CTIF: variants seen among roughly 807,000 people sequenced by gnomAD.
The protein encoded by CTIF is CBP80/20-dependent translation initiation factor.
CTIF carries 21 observed loss-of-function variants against 66.0 expected under a neutral mutation model. That is an observed-to-expected ratio of 0.32 (90% CI 0.23 to 0.46). CTIF has a LOEUF of 0.46. CTIF is among the 20% of genes least tolerant of loss of function. The pLI is 1.00. For missense variants in CTIF, 739 were observed against 812.7 expected (o/e 0.91, Z 1.10); for synonymous variants, 345 against 326.4 (o/e 1.06, Z -0.62).
intron 9 of CTIF, among the ~76,000 whole-genome samples, chr18:48,775,503 A>G (rs1285299261): frequency 6.6e-6 from 1 of 152,242 alleles, no homozygotes; most frequent in African/African-American, 2.4e-5. Context: ...AGCACTGTAG[A>G]CAGCCCAGGA....
intron 9 of CTIF, among the ~76,000 whole-genome samples, chr18:48,777,167 C>T (rs4078503): frequency 0.071 from 10,793 of 152,248 alleles, 436 homozygotes; most frequent in East Asian, 0.13. Flanking sequence ...CCTTCCCACC[C>T]GCCTGGCCCC....
At chr18:48,612,430 G>T (rs1359049258) in intron 1 of CTIF, among the ~76,000 whole-genome samples, 1 of 152,238 alleles carries the variant, frequency 6.6e-6, no homozygotes, top group Non-Finnish European at 1.5e-5. Context: ...TGAAGGTGTT[G>T]CTCCCACTCT....
chr18:48,618,640 C>T (rs1322047743), intron 1 of CTIF, among the ~76,000 whole-genome samples: 4 of 152,116 alleles, frequency 2.6e-5, no homozygotes, highest in Non-Finnish European at 2.9e-5. Flanking sequence ...AGCAAGGGAG[C>T]GGGGAGCAGA....
intron 6 of CTIF, among the ~76,000 whole-genome samples, chr18:48,689,379 A>C (rs958894140): frequency 2.0e-5 from 3 of 152,226 alleles, no homozygotes; most frequent in African/African-American, 2.4e-5. Flanking sequence ...CAAAGCATGC[A>C]GAAGCAGCAG....
At chr18:48,783,887 C>G (rs908767570) in intron 9 of CTIF, among the ~76,000 whole-genome samples, 2 of 152,154 alleles carry the variant, frequency 1.3e-5, no homozygotes, top group African/African-American at 2.4e-5. Context: ...CTCACTCCCT[C>G]CAGCCTTACG....
intron 9 of CTIF, among the ~76,000 whole-genome samples, chr18:48,785,834 C>T (rs1324907686): frequency 6.6e-6 from 1 of 152,178 alleles, no homozygotes; most frequent in Non-Finnish European, 1.5e-5. Flanking sequence ...CAAATTGTGT[C>T]ACCATCTTAT....
chr18:48,831,267 C>T (rs1362878976), intron 10 of CTIF, among the ~76,000 whole-genome samples: 2 of 152,276 alleles, frequency 1.3e-5, no homozygotes, highest in African/African-American at 4.8e-5. Flanking sequence ...TCTGTTCTGT[C>T]CCTGCCTTTG....
At chr18:48,585,731 T>A (rs966045819) in intron 1 of CTIF, among the ~76,000 whole-genome samples, 1 of 152,204 alleles carries the variant, frequency 6.6e-6, no homozygotes, top group African/African-American at 2.4e-5. Context: ...TACTCCAGCC[T>A]GAAGAGGTTC....
intron 7 of CTIF, among the ~76,000 whole-genome samples, chr18:48,717,533 C>A (rs1235482688): frequency 6.6e-6 from 1 of 152,026 alleles, no homozygotes; most frequent in Admixed American, 6.6e-5. Flanking sequence ...TTTTCAAGCT[C>A]TCTGTAACAT....
At chr18:48,706,686 T>G (rs1306922379) in intron 6 of CTIF, among the ~76,000 whole-genome samples, 1 of 152,052 alleles carries the variant, frequency 6.6e-6, no homozygotes, top group Non-Finnish European at 1.5e-5. Flanking sequence ...AGTGGGCTGA[T>G]TTTACATAAC....
chr18:48,566,244 C>T (rs567902800), intron 1 of CTIF: 5 of 149,772 alleles, frequency 3.3e-5, no homozygotes, highest in African/African-American at 7.7e-5. Context: ...GAAAGGGAGT[C>T]ATTCATTCAT....
At chr18:48,783,952 G>A (rs182887793) in intron 9 of CTIF, among the ~76,000 whole-genome samples, 32 of 152,312 alleles carry the variant, frequency 2.1e-4, no homozygotes, top group Non-Finnish European at 4.1e-4. Flanking sequence ...CCAGTCCCCT[G>A]CCCTATCTCA....
At chr18:48,649,338 C>T (rs895334354) in intron 3 of CTIF, among the ~76,000 whole-genome samples, 11 of 152,216 alleles carry the variant, frequency 7.2e-5, no homozygotes, top group African/African-American at 2.7e-4. Flanking sequence ...GCCCATAGAG[C>T]CTTACTCACT....
chr18:48,807,820 G>T (rs2068181708), intron 9 of CTIF, among the ~76,000 whole-genome samples: 1 of 152,070 alleles, frequency 6.6e-6, no homozygotes, highest in African/African-American at 2.4e-5. Flanking sequence ...GGCCTCAGAT[G>T]ATCTGCCCAT....
At chr18:48,730,266 G>T (rs1334581214) in intron 7 of CTIF, among the ~76,000 whole-genome samples, 1 of 148,094 alleles carries the variant, frequency 6.8e-6, no homozygotes, top group Non-Finnish European at 1.5e-5. Flanking sequence ...GGCCCCCGCA[G>T]TGTGAGGGCC....
chr18:48,541,425 C>CT (rs2088617268), intron 1 of CTIF, among the ~76,000 whole-genome samples: 1 of 152,194 alleles, frequency 6.6e-6, no homozygotes, highest in Non-Finnish European at 1.5e-5. Flanking sequence ...AGGAGCCGCC[C>CT]AGAGCGCAGG....
intron 9 of CTIF, among the ~76,000 whole-genome samples, chr18:48,814,015 C>A (rs532413648): frequency 3.9e-4 from 59 of 152,278 alleles, no homozygotes; most frequent in African/African-American, 1.3e-3. Context: ...CAAGCTACCC[C>A]CTGTCTTTGG....
intron 10 of CTIF, among the ~76,000 whole-genome samples, chr18:48,827,673 C>G (rs1244837039): frequency 1.4e-5 from 1 of 73,320 alleles, no homozygotes; most frequent in Non-Finnish European, 2.9e-5. Context: ...AGAATGTAGC[C>G]TTCCTAGGGC....
chr18:48,827,965 ACCT>A (rs2068616821), intron 10 of CTIF, among the ~76,000 whole-genome samples: 2 of 151,464 alleles, frequency 1.3e-5, no homozygotes, highest in Admixed American at 6.6e-5. Flanking sequence ...TGGATCCTTG[ACCT>A]CCTCAAGATA....
Sources: allele counts gnomAD v4.1 joint callset (sites outside exome capture counted in the v4.1 genomes callset), GRCh38; gene constraint gnomAD v4.1.1; transcripts MANE v1.5; gene names NCBI Gene and HGNC (gene_info 2026-07-23, HGNC 2026-07-21).